MMP17: variants seen among roughly 807,000 people sequenced by gnomAD.
MMP17 encodes matrix metalloproteinase-17.
In MMP17, 54 loss-of-function variants were observed where a neutral mutation model predicts 49.1. That is an observed-to-expected ratio of 1.10 (90% CI 0.88 to 1.38). MMP17 has a LOEUF of 1.38. Ranked by LOEUF, MMP17 falls within the 40% of genes most tolerant of loss-of-function variation. The probability of loss-of-function intolerance (pLI) is 0.00; values close to 1 mark genes in which losing one functional copy is unlikely to be tolerated. For synonymous variants in MMP17, 397 were observed against 383.1 expected (o/e 1.04, Z -0.42); for missense variants, 837 against 853.7 (o/e 0.98, Z 0.24).
At chr12:131,832,760 C>T (rs1050614201) in intron 1 of MMP17, among the ~76,000 whole-genome samples, 6 of 152,108 alleles carry the variant, frequency 3.9e-5, no homozygotes, top group Non-Finnish European at 7.4e-5. Context: ...AAGTCCCCTC[C>T]TCATGTTGGC....
intron 8 of MMP17, among the ~76,000 whole-genome samples, chr12:131,847,144 G>A (rs189581853): frequency 1.3e-5 from 2 of 151,224 alleles, no homozygotes; most frequent in African/African-American, 2.4e-5. Context: ...CACGCGCAGT[G>A]GCTCACGCCT....
At chr12:131,844,934 C>A in intron 6 of MMP17, 184 bp from the exon 7 acceptor site, 1 of 613,600 alleles carries the variant, frequency 1.6e-6, no homozygotes, top group Non-Finnish European at 2.9e-6. Context: ...TCGGCCCCCG[C>A]CCGCTGAAGC....
chr12:131,849,970 C>A lies in MMP17; in HGVS notation c.1373C>A (p.Thr458Lys), dbSNP rs149877702. 1 of 1,613,938 alleles carries A rather than the reference C, an allele frequency of 6.2e-7. No individual in the cohort carries two copies. The highest frequency in any genetic ancestry group is 1.7e-4 in the Middle Eastern group (1 of 6,060). ...DQLYWRYDDH[T>K]RHMDPGYPAQ... ...CTGTACTGGCGCTACGATGACCACA[C>A]GAGGCACATGGACCCCGGCTACCCC... The change falls in exon 9 of 10, where the codon ACG becomes AAG. Residue 458 changes from threonine (T) to lysine (K), a missense_variant. Thr to Lys is a moderately conservative substitution (Grantham distance 78, BLOSUM62 -1). Transcript: ENST00000360564.
chr12:131,850,975 G>A lies in MMP17; in HGVS notation c.1513G>A (p.Glu505Lys), dbSNP rs759484799. 1.7e-5 allele frequency: 27 copies of A among 1,552,216 alleles called. No homozygotes were observed. In the Admixed American group the frequency reaches 3.4e-4, roughly 19 times the overall value. ...GQEYWKVLDGELEVAPGYPQS... is the reference protein window; with the variant it reads ...GQEYWKVLDGKLEVAPGYPQS... ...GGAGTACTGGAAAGTGCTGGATGGCGAGCTGGAGGTGGCACCCGGGTACCC... is the reference window on the plus strand; with the variant it reads ...GGAGTACTGGAAAGTGCTGGATGGCAAGCTGGAGGTGGCACCCGGGTACCC... The change falls in exon 10 of 10, where the codon GAG becomes AAG. Residue 505 changes from glutamate (E) to lysine (K), a missense_variant. Transcript: ENST00000360564.
At chr12:131,845,012 A>G in intron 6 of MMP17, 106 bp from the exon 7 acceptor site, 1 of 1,159,974 alleles carries the variant, frequency 8.6e-7, no homozygotes, top group Non-Finnish European at 1.3e-6. Flanking sequence ...GGCTCCACAC[A>G]AGGATGCCTG....
At chr12:131,832,510 AT>A (rs1886877188) in intron 1 of MMP17, among the ~76,000 whole-genome samples, 1 of 152,018 alleles carries the variant, frequency 6.6e-6, no homozygotes, top group South Asian at 2.1e-4. Flanking sequence ...TTGGCAGCAG[AT>A]CCCGTGGGAC....
intron 5 of MMP17, among the ~76,000 whole-genome samples, chr12:131,842,632 A>T (rs752022629): frequency 2.0e-5 from 3 of 151,876 alleles, no homozygotes; most frequent in Non-Finnish European, 1.5e-5. Context: ...AATTAGCCGG[A>T]TATGGTAGCA....
rs768788355 is a variant in MMP17, at chr12:131,845,161, G to A, written c.1012G>A (p.Ala338Thr). The A allele has an allele frequency of 1.8e-5, 29 of 1,613,930 alleles. No homozygotes were observed. Among genetic ancestry groups the A allele is most frequent in the Middle Eastern group, 1.6e-4 (1 of 6,084 alleles). The change falls in exon 7 of 10, where the codon GCG becomes ACG. Residue 338 changes from alanine (A) to threonine (T), a missense_variant. Ala to Thr is a moderately conservative substitution (Grantham distance 58, BLOSUM62 0). Transcript: ENST00000360564. Reference sequence around the variant, plus strand: ...CCACAGATGCAGCACTCACTTTGACGCGGTGGCCCAGATCCGGGGTGAAGC... The same window carrying A: ...CCACAGATGCAGCACTCACTTTGACACGGTGGCCCAGATCCGGGGTGAAGC... ...VPHRCSTHFD[A>T]VAQIRGEAFF...
intron 8 of MMP17, among the ~76,000 whole-genome samples, chr12:131,847,152 C>T (rs1180058908): frequency 6.6e-6 from 1 of 151,262 alleles, no homozygotes; most frequent in African/African-American, 2.4e-5. Flanking sequence ...GTGGCTCACG[C>T]CTGCAATCCC....
In MMP17 at chr12:131,841,814, C is replaced by G. The variant is rs934132410; in HGVS notation, c.883+14C>G. The G allele has an allele frequency of 1.9e-6, 3 of 1,558,406 alleles. No homozygotes were observed. Among genetic ancestry groups the G allele is most frequent in the Non-Finnish European group, 2.6e-6 (3 of 1,154,362 alleles). ...GGCAGCTGTACGGTGAGTGTCTCCC[C>G]GAAGCCAGACACAGGGCCCCTGGAA... On this transcript the variant is annotated intron_variant, in intron 5 of 9. Coordinates refer to ENST00000360564, the MANE Select transcript of MMP17 (RefSeq NM_016155.7).
In MMP17 at chr12:131,851,007, C is replaced by G; in HGVS notation, c.1545C>G (p.Ser515=). 1 of 1,593,412 alleles carries G rather than the reference C, an allele frequency of 6.3e-7. No homozygotes were observed. Among genetic ancestry groups the G allele is most frequent in the East Asian group, 2.3e-5 (1 of 43,290 alleles). The change falls in exon 10 of 10, where the codon TCC becomes TCG. Residue 515 remains serine (S), a synonymous_variant. Coordinates refer to ENST00000360564, the MANE Select transcript of MMP17 (RefSeq NM_016155.7). ...ELEVAPGYPQ[S]TARDWLVCGD... is the part of the protein sequence containing the mutation. ...AGGTGGCACCCGGGTACCCACAGTC[C>G]ACGGCCCGGGACTGGCTGGTGTGTG...
intron 1 of MMP17, among the ~76,000 whole-genome samples, chr12:131,830,476 G>T (rs1376593393): frequency 6.6e-6 from 1 of 152,238 alleles, no homozygotes; most frequent in East Asian, 1.9e-4. Context: ...CCGTCCTGCC[G>T]CGGCTTCCTG....
rs181964593 is a variant in MMP17, at chr12:131,847,345, G to A, written c.1204+1896G>A. On this transcript the variant is annotated intron_variant, in intron 8 of 9. Transcript: ENST00000360564. ...GGAGAATGGCGTGAACCTGGGAGGC[G>A]GAGTTTGCAGTGAGGTGAGATCACA... is the stretch of plus-strand genomic sequence containing the variant. 2.7e-3 allele frequency among the ~76,000 whole-genome samples: 409 copies of A among 150,998 alleles called. 2 individuals are homozygous for A. Among genetic ancestry groups the A allele is most frequent in the African/African-American group, 8.1e-3 (333 of 41,064 alleles).
chr12:131,844,786 T>TGGGGGTCCCGTGGCG, intron 6 of MMP17: 1 of 356,338 alleles, frequency 2.8e-6, no homozygotes, highest in Non-Finnish European at 5.3e-6. Context: ...AGGCCCGGGC[T>TGGGGGTCCCGTGGCG]TGGGGTCCCG....
At chr12:131,829,892 G>A (rs1183184003) in intron 1 of MMP17, among the ~76,000 whole-genome samples, 4 of 152,218 alleles carry the variant, frequency 2.6e-5, no homozygotes, top group Non-Finnish European at 5.9e-5. Context: ...GCGTCCAGGT[G>A]CCTGCAGGTC....
At chr12:131,847,839 C>T (rs1887786798) in intron 8 of MMP17, among the ~76,000 whole-genome samples, 1 of 152,242 alleles carries the variant, frequency 6.6e-6, no homozygotes, top group Non-Finnish European at 1.5e-5. Flanking sequence ...GACTTGAGAA[C>T]ATGTGGGTCT....
intron 8 of MMP17, among the ~76,000 whole-genome samples, chr12:131,849,593 G>A (rs985387385): frequency 6.6e-6 from 1 of 152,216 alleles, no homozygotes; most frequent in African/African-American, 2.4e-5. Flanking sequence ...CAGGCTGGAT[G>A]GGATGGCCCG....
chr12:131,845,371 C>A lies in MMP17; in HGVS notation c.1126C>A (p.Arg376=). The A allele has an allele frequency of 2.5e-6, 4 of 1,596,610 alleles. No homozygotes were observed. Among genetic ancestry groups the A allele is most frequent in the Non-Finnish European group, 3.4e-6 (4 of 1,173,786 alleles). The part of the protein sequence containing the change: ...LQPAQMHRFW[R]GLPLHLDSVD... ...GCCGGCACAGATGCACCGCTTCTGGCGGGGCCTGCCGCTGCACCTGGACAG... is the reference window on the plus strand; with the variant it reads ...GCCGGCACAGATGCACCGCTTCTGGAGGGGCCTGCCGCTGCACCTGGACAG... Residue 376 remains arginine, a synonymous_variant, in exon 8 of 10, where the codon CGG becomes AGG. Transcript: ENST00000360564.
At chr12:131,833,992 G>A (rs1033837950) in intron 1 of MMP17, among the ~76,000 whole-genome samples, 3 of 152,254 alleles carry the variant, frequency 2.0e-5, no homozygotes, top group East Asian at 1.9e-4. Flanking sequence ...AAACAGATAC[G>A]CATTGTGTCA....
Sources: allele counts gnomAD v4.1 joint callset (sites outside exome capture counted in the v4.1 genomes callset), GRCh38; gene constraint gnomAD v4.1.1; transcripts MANE v1.5; gene names NCBI Gene and HGNC (gene_info 2026-07-23, HGNC 2026-07-21).